TAF13: variants seen among roughly 807,000 people sequenced by gnomAD.
The protein encoded by TAF13 is transcription initiation factor TFIID subunit 13.
In TAF13, 9 loss-of-function variants were observed where a neutral mutation model predicts 18.7. The observed-to-expected ratio is 0.48, with a 90% CI of 0.29 to 0.84. The LOEUF is 0.84. Ranked by LOEUF, TAF13 falls within the 40% of genes least tolerant of loss-of-function variation. TAF13 has a pLI of 0.08. For synonymous variants in TAF13, 49 were observed against 44.1 expected, an observed-to-expected ratio of 1.11 and a Z score of -0.44; for missense variants, 105 against 146.5, an observed-to-expected ratio of 0.72 and a Z score of 1.46.
intron 2 of TAF13, among the ~76,000 whole-genome samples, chr1:109,069,220 T>C (rs375747331): frequency 1.4e-3 from 220 of 151,866 alleles, no homozygotes; most frequent in African/African-American, 3.1e-3. Flanking sequence ...TGTGTGTGTG[T>C]GCGCACATGT....
Position 109,064,207 on chromosome 1 carries a change from A to G in TAF13, c.*316T>C, listed in dbSNP as rs1663911502. 1 of 154,546 alleles carries G rather than the reference A, an allele frequency of 6.5e-6. No individual in the cohort carries two copies. Among genetic ancestry groups the G allele is most frequent in the African/African-American group, 2.5e-5 (1 of 40,540 alleles). 9.6% of individuals were successfully genotyped at this position (154,546 alleles called of 1,614,324 possible). On this transcript the variant is annotated 3_prime_UTR_variant, in exon 4 of 4. Transcript: ENST00000338366. The stretch of plus-strand genomic sequence containing the variant: ...GCTACAGTATAGCTTACAAGGGCAT[A>G]AACATACCTAACACATTAAATACTA...
chr1:109,066,060 T>A (rs1380271785), intron 3 of TAF13, 75 bp downstream of exon 3: 1 of 1,256,432 alleles, frequency 8.0e-7, no homozygotes, highest in Non-Finnish European at 1.1e-6. Flanking sequence ...ATGCCATAAG[T>A]TCTAGTCTTA....
chr1:109,064,400 T>C lies in TAF13; in HGVS notation c.*123A>G. On this transcript the variant is annotated 3_prime_UTR_variant, in exon 4 of 4. Coordinates refer to ENST00000338366, the MANE Select transcript of TAF13 (RefSeq NM_005645.4). ...AAATCAAAGGCATAAAAATAAAGGC[T>C]GAAAACTTTGTGTTTCTCCATCTTT... 1.1e-6 allele frequency: 1 copy of C among 943,848 alleles called. No individual in the cohort carries two copies. Among genetic ancestry groups the C allele is most frequent in the Non-Finnish European group, 1.4e-6 (1 of 693,876 alleles). 58.5% of individuals were successfully genotyped at this position (943,848 alleles called of 1,614,324 possible).
intron 1 of TAF13, 130 bp from the exon 2 acceptor site, chr1:109,075,195 ACG>A: frequency 1.4e-6 from 1 of 735,720 alleles, no homozygotes; most frequent in Non-Finnish European, 2.2e-6. Context: ...AAAAAAAACC[ACG>A]AAACCTTAGC....
In TAF13 at chr1:109,066,853, G is replaced by A. The variant is rs532464030; in HGVS notation, c.107-621C>T. Among the ~76,000 whole-genome samples the A allele has an allele frequency of 7.9e-5, 12 of 152,102 alleles. No homozygotes were observed. The South Asian group carries it at 2.3e-3, about 29-fold the overall frequency. ...TCCTGCCTCAGCCTCCCGAGTAGCT[G>A]GGACTACAGGCACCCACCACCACGC... On this transcript the variant is annotated intron_variant, in intron 2 of 3. Transcript: ENST00000338366.
chr1:109,072,178 C>A (rs2102111053), intron 2 of TAF13, among the ~76,000 whole-genome samples: 1 of 146,248 alleles, frequency 6.8e-6, no homozygotes, highest in East Asian at 2.0e-4. Context: ...CATTTGGGAA[C>A]TGCTCACATA....
chr1:109,065,523 C>A (rs138103117), intron 3 of TAF13, among the ~76,000 whole-genome samples: 228 of 148,858 alleles, frequency 1.5e-3, no homozygotes, highest in African/African-American at 5.5e-3. Context: ...AATTGCGTAT[C>A]TTTAAATACT....
chr1:109,070,767 G>A (rs1183303350), intron 2 of TAF13, among the ~76,000 whole-genome samples: 1 of 152,126 alleles, frequency 6.6e-6, no homozygotes, highest in Non-Finnish European at 1.5e-5. Context: ...ATTCAGGTAA[G>A]ATAAGGAGAA....
intron 3 of TAF13, among the ~76,000 whole-genome samples, chr1:109,065,582 GATA>G (rs1279665269): frequency 1.3e-5 from 2 of 151,920 alleles, no homozygotes; most frequent in Admixed American, 6.6e-5. Context: ...TGGTATTATG[GATA>G]ATATTTTTAT....
chr1:109,068,724 C>T (rs1283763696), intron 2 of TAF13, among the ~76,000 whole-genome samples: 1 of 152,026 alleles, frequency 6.6e-6, no homozygotes, highest in Non-Finnish European at 1.5e-5. Flanking sequence ...CCTTGAAGGC[C>T]AGCGCGGTGG....
chr1:109,073,758 T>G (rs1011231470), intron 2 of TAF13, among the ~76,000 whole-genome samples: 1 of 152,204 alleles, frequency 6.6e-6, no homozygotes, highest in Non-Finnish European at 1.5e-5. Context: ...CCCAAAGTGC[T>G]GAGATTGCAG....
chr1:109,065,494 C>G (rs2102104957), intron 3 of TAF13, among the ~76,000 whole-genome samples: 2 of 149,880 alleles, frequency 1.3e-5, no homozygotes, highest in South Asian at 4.2e-4. Context: ...GTCACACACA[C>G]AGACACACAC....
At chr1:109,075,879 G>C (rs1167879720) in intron 1 of TAF13, 42 bp downstream of exon 1, 1 of 1,613,958 alleles carries the variant, frequency 6.2e-7, no homozygotes, top group Admixed American at 1.7e-5. Flanking sequence ...GAGCCCGAAG[G>C]AGTGAAGAAA....
intron 2 of TAF13, among the ~76,000 whole-genome samples, chr1:109,071,981 CATATAT>C (rs1158249040): frequency 0.025 from 251 of 10,204 alleles, 11 homozygotes; most frequent in African/African-American, 0.084. Context: ...TATATACACA[CATATAT>C]ATATATATAT....
At chr1:109,074,836 C>G (rs1487847249) in intron 2 of TAF13, 151 bp downstream of exon 2, 1 of 611,860 alleles carries the variant, frequency 1.6e-6, no homozygotes, top group Non-Finnish European at 2.8e-6. Flanking sequence ...AGGATTGGTA[C>G]TATCTGATTC....
chr1:109,065,515 T>C (rs1428163882), intron 3 of TAF13, among the ~76,000 whole-genome samples: 2 of 149,436 alleles, frequency 1.3e-5, no homozygotes, highest in Non-Finnish European at 3.0e-5. Context: ...ACACAAAAAA[T>C]TGCGTATCTT....
chr1:109,073,473 G>C (rs912053264), intron 2 of TAF13, among the ~76,000 whole-genome samples: 2 of 152,168 alleles, frequency 1.3e-5, no homozygotes, highest in African/African-American at 4.8e-5. Context: ...GTACTGCAGC[G>C]ATCTGGGATC....
At chr1:109,072,195 A>G (rs544837568) in intron 2 of TAF13, among the ~76,000 whole-genome samples, 8 of 148,598 alleles carry the variant, frequency 5.4e-5, no homozygotes, top group Non-Finnish European at 1.2e-4. Flanking sequence ...CATATAACCC[A>G]GCCTAAATAA....
Position 109,071,489 on chromosome 1 carries a change from A to G in TAF13, c.106+3498T>C, listed in dbSNP as rs184576942. Reference sequence around the variant, plus strand: ...GCTGGGCATGGTGGCATGCACCTATAGTCCCAGCTATTCAGGAGGCTGAGG... The same window carrying G: ...GCTGGGCATGGTGGCATGCACCTATGGTCCCAGCTATTCAGGAGGCTGAGG... On this transcript the variant is annotated intron_variant, in intron 2 of 3. Coordinates refer to ENST00000338366, the MANE Select transcript of TAF13 (RefSeq NM_005645.4). Among the ~76,000 whole-genome samples, 723 of 151,958 alleles carry G rather than the reference A, an allele frequency of 4.8e-3. 3 individuals carry two copies. Among genetic ancestry groups the G allele is most frequent in the Non-Finnish European group, 7.7e-3 (523 of 67,954 alleles).
Sources: allele counts gnomAD v4.1 joint callset (sites outside exome capture counted in the v4.1 genomes callset), GRCh38; gene constraint gnomAD v4.1.1; transcripts MANE v1.5; gene names NCBI Gene and HGNC (gene_info 2026-07-23, HGNC 2026-07-21).